Variants in ACKR3 observed in about 807,000 individuals in gnomAD.
The protein encoded by ACKR3 is C-X-C chemokine receptor type 7.
In ACKR3, 6 loss-of-function variants were observed where a neutral mutation model predicts 22.4. That is an observed-to-expected ratio of 0.27 (90% CI 0.15 to 0.53). The LOEUF is 0.53. Ranked by LOEUF, ACKR3 falls within the 20% of genes least tolerant of loss-of-function variation. The pLI is 0.96. For synonymous variants in ACKR3, 209 were observed against 205.2 expected (o/e 1.02, Z -0.16); for missense variants, 396 against 475.2 (o/e 0.83, Z 1.55).
At chr2:236,556,499 T>C in the ACKR3 span, among the ~76,000 whole-genome samples, 2 of 151,854 alleles carry the variant, frequency 1.3e-5, no homozygotes, top group African/African-American at 2.4e-5. Flanking sequence ...TAGTAGGCAG[T>C]GTGAGGATGC....
At chr2:236,552,006 GCTT>G in the ACKR3 span, among the ~76,000 whole-genome samples, 567 of 152,254 alleles carry the variant, frequency 3.7e-3, 3 homozygotes, top group African/African-American at 0.012. Flanking sequence ...CTCGGGCCTG[GCTT>G]CTTCTCTTAT....
At chr2:236,560,865 T>C in the ACKR3 span, among the ~76,000 whole-genome samples, 2 of 152,208 alleles carry the variant, frequency 1.3e-5, no homozygotes, top group Non-Finnish European at 2.9e-5. Context: ...CTCAGTTCAT[T>C]AAAGCACTAT....
intron 1 of ACKR3, among the ~76,000 whole-genome samples, chr2:236,573,145 T>G (rs1314437563): frequency 2.0e-5 from 3 of 152,192 alleles, no homozygotes; most frequent in South Asian, 2.1e-4. Context: ...ATAGATTCGA[T>G]GTAGCATTGG....
At chr2:236,571,561 G>T (rs568532354) in intron 1 of ACKR3, among the ~76,000 whole-genome samples, 1 of 136,932 alleles carries the variant, frequency 7.3e-6, no homozygotes, top group South Asian at 2.5e-4. Flanking sequence ...GAAGCGTTGA[G>T]AAGGTATTAT....
At position 236,581,218 on chromosome 2, in the gene ACKR3, G is replaced by A. The variant is rs139323999; in HGVS notation, c.753G>A (p.Arg251=). ...GTGACCAGGAGAAGCACAGCAGCCG[G>A]AAGATCATCTTCTCCTACGTGGTGG... The part of the protein sequence containing the change: ...ASSDQEKHSS[R]KIIFSYVVVF... The change falls in exon 2 of 2, where the codon CGG becomes CGA. Residue 251 remains arginine (R), a synonymous_variant. Transcript: ENST00000272928. The surrounding 1 kb of genome is among the most constrained non-coding windows in gnomAD (Gnocchi z 4.4). The A allele has an allele frequency of 6.2e-7, 1 of 1,613,978 alleles. No individual in the cohort carries two copies. The highest frequency in any genetic ancestry group is 8.5e-7 in the Non-Finnish European group (1 of 1,179,880).
the ACKR3 span, among the ~76,000 whole-genome samples, chr2:236,553,198 C>A: frequency 7.5e-6 from 1 of 133,632 alleles, no homozygotes; most frequent in Non-Finnish European, 1.5e-5. Flanking sequence ...CCCTCTCCTC[C>A]TCCCCCCTGC....
In ACKR3 at chr2:236,581,096, G is replaced by T; in HGVS notation, c.631G>T (p.Gly211Cys). The T allele has an allele frequency of 6.2e-7, 1 of 1,614,172 alleles. No individual in the cohort carries two copies. The highest frequency in any genetic ancestry group is 8.5e-7 in the Non-Finnish European group (1 of 1,180,024). The change falls in exon 2 of 2, where the codon GGC (glycine) becomes TGC (cysteine). Residue 211 changes from glycine (G) to cysteine (C), a missense_variant. Physicochemically the swap from Gly to Cys is radical, Grantham distance 159. Transcript: ENST00000272928. The surrounding 1 kb of genome is among the most constrained non-coding windows in gnomAD (Gnocchi z 4.4). ...GCACAGCATCAAGGAGTGGCTGATC[G>T]GCATGGAGCTGGTCTCCGTTGTCTT... is the stretch of plus-strand genomic sequence containing the variant. ...PEHSIKEWLI[G>C]MELVSVVLGF... is the part of the protein sequence containing the mutation.
chr2:236,568,488 C>T (rs1289922210), upstream of ACKR3, among the ~76,000 whole-genome samples: 1 of 152,146 alleles, frequency 6.6e-6, no homozygotes, highest in Non-Finnish European at 1.5e-5. Context: ...TCCTTGGTGC[C>T]GATGTGACAC....
intron 1 of ACKR3, among the ~76,000 whole-genome samples, chr2:236,570,537 G>A (rs567744031): frequency 2.0e-5 from 3 of 152,108 alleles, no homozygotes; most frequent in African/African-American, 7.2e-5. Context: ...AACACAGCCC[G>A]GTCTTCTCTT....
the ACKR3 span, among the ~76,000 whole-genome samples, chr2:236,551,462 C>T: frequency 6.6e-6 from 1 of 152,110 alleles, no homozygotes; most frequent in African/African-American, 2.4e-5. Flanking sequence ...TGGGTGGGCA[C>T]AGCAGTCCGG....
intron 1 of ACKR3, among the ~76,000 whole-genome samples, chr2:236,572,351 A>G (rs1373893631): frequency 6.6e-6 from 1 of 152,220 alleles, no homozygotes; most frequent in Non-Finnish European, 1.5e-5. Flanking sequence ...GAAAAAGTGG[A>G]TGGGGGCCGA....
rs577080157 is a variant in ACKR3 at position 236,577,294 on chromosome 2, G to A, written c.-26-3146G>A. Among the ~76,000 whole-genome samples the A allele has an allele frequency of 9.2e-5, 14 of 152,356 alleles. No homozygotes were observed. The highest frequency in any genetic ancestry group is 8.3e-4 in the South Asian group (4 of 4,828). On this transcript the variant is annotated intron_variant, in intron 1 of 1. Coordinates refer to ENST00000272928, the MANE Select transcript of ACKR3 (RefSeq NM_020311.3). The surrounding 1 kb of genome is among the most constrained non-coding windows in gnomAD (Gnocchi z 5.6). ...GGAGGGGAGAAGCAAGGACAGAGGC[G>A]AGGACGGCTGAGCGGGGAAGTGCCT... is the stretch of plus-strand genomic sequence containing the variant.
intron 1 of ACKR3, among the ~76,000 whole-genome samples, chr2:236,575,984 C>T (rs1691405310): frequency 6.6e-6 from 1 of 152,000 alleles, no homozygotes; most frequent in Non-Finnish European, 1.5e-5. Context: ...TGTTCTGCAC[C>T]CCCTCCCCTT....
intron 1 of ACKR3, among the ~76,000 whole-genome samples, chr2:236,579,163 G>C (rs1018329655): frequency 6.6e-6 from 1 of 152,216 alleles, no homozygotes; most frequent in Non-Finnish European, 1.5e-5. Flanking sequence ...CATACCGCTA[G>C]CGTAGCCACC....
In ACKR3 at chr2:236,580,895, C is replaced by G. The variant is rs1009891716; in HGVS notation, c.430C>G (p.Leu144Val). ...FLTCMSVDRY[L>V]SITYFTNTPS... is the part of the protein sequence containing the mutation. ...CACGTGCATGAGCGTGGACCGCTAC[C>G]TCTCCATCACCTACTTCACCAACAC... Residue 144 changes from leucine to valine, a missense_variant, in exon 2 of 2, where the codon CTC becomes GTC. Leu to Val is a conservative substitution (Grantham distance 32). Transcript: ENST00000272928. 1 of 1,614,214 alleles carries G rather than the reference C, an allele frequency of 6.2e-7. No homozygotes were observed.
the ACKR3 span, among the ~76,000 whole-genome samples, chr2:236,547,837 C>T: frequency 6.8e-6 from 1 of 146,100 alleles, no homozygotes; most frequent in East Asian, 2.0e-4. Context: ...ATCTTTCATT[C>T]ATTTTTTTTT....
chr2:236,571,944 C>A (rs1691319591), intron 1 of ACKR3, among the ~76,000 whole-genome samples: 1 of 151,910 alleles, frequency 6.6e-6, no homozygotes, highest in Non-Finnish European at 1.5e-5. Context: ...TTATTAGAAG[C>A]AAGAATAGTA....
chr2:236,548,399 A>T, the ACKR3 span, among the ~76,000 whole-genome samples: 4 of 152,202 alleles, frequency 2.6e-5, no homozygotes, highest in African/African-American at 9.6e-5. This position sits in a 1 kb window ranked among gnomAD's most constrained non-coding sequence, Gnocchi z 4.3. Flanking sequence ...CAAAGATGTT[A>T]TGAAATCAGG....
At position 236,572,790 on chromosome 2, in the gene ACKR3, G is replaced by C. The variant is rs780703477; in HGVS notation, c.-27+2866G>C. Among the ~76,000 whole-genome samples the C allele has an allele frequency of 2.6e-5, 4 of 152,326 alleles. No homozygotes were observed. In the East Asian group the frequency reaches 7.7e-4, roughly 29 times the overall value. On this transcript the variant is annotated intron_variant, in intron 1 of 1. Coordinates refer to ENST00000272928, the MANE Select transcript of ACKR3 (RefSeq NM_020311.3). ...AATAGACCAGATCAGGTTTCTGGAC[G>C]TGGGATTTATTTGATCCCCCAAATC...
Sources: allele counts gnomAD v4.1 joint callset (sites outside exome capture counted in the v4.1 genomes callset), GRCh38; gene constraint gnomAD v4.1.1; non-coding constraint Gnocchi (gnomAD v3.1); transcripts MANE v1.5; gene names NCBI Gene and HGNC (gene_info 2026-07-23, HGNC 2026-07-21).